The following SNX29 variants were observed in gnomAD, a reference collection of about 807,000 sequenced individuals.
SNX29 encodes sorting nexin 29, also known as sorting nexin-29.
SNX29 carries 78 observed loss-of-function variants against 102.1 expected under a neutral mutation model. The ratio of observed to expected loss-of-function variants is 0.76; its 90% CI spans 0.64 to 0.92. The LOEUF (loss-of-function observed/expected upper bound fraction) is 0.92, where lower values mean the gene tolerates loss of function less well. Among genes scored for constraint, SNX29 ranks in the 40% least tolerant of loss-of-function variants. The pLI is 0.00. For synonymous variants in SNX29, 580 were observed against 414.5 expected (o/e 1.40, Z -4.85); for missense variants, 1,280 against 1,061.7 (o/e 1.21, Z -2.86).
At position 12,569,170 on chromosome 16, in the gene SNX29, C is replaced by G; in HGVS notation, c.*541C>G. ...ATGGTTCCTTTCACTGCATTTTCCA[C>G]CAACAGTCATTAGACACCTGGCACT... is the stretch of plus-strand genomic sequence containing the variant. On this transcript the variant is annotated 3_prime_UTR_variant, in exon 21 of 21. Transcript: ENST00000566228. 1 of 210,538 alleles carries G rather than the reference C, an allele frequency of 4.7e-6. No homozygotes were observed. Among genetic ancestry groups the G allele is most frequent in the Non-Finnish European group, 9.5e-6 (1 of 105,550 alleles). 13.0% of individuals were successfully genotyped at this position (210,538 alleles called of 1,614,324 possible).
rs2079175312 is a variant in SNX29, at chr16:12,570,972, G to C, written c.*2343G>C. ...GGACCATCCCCAGCTGCCTGCTCCT[G>C]GTACCTCCCCCATGATCATGCACAG... On this transcript the variant is annotated 3_prime_UTR_variant, in exon 21 of 21. Transcript: ENST00000566228. 4.3e-6 allele frequency: 1 copy of C among 232,326 alleles called. No homozygotes were observed. Among genetic ancestry groups the C allele is most frequent in the Non-Finnish European group, 8.5e-6 (1 of 117,462 alleles). The allele number at this position is 232,326 out of a possible 1,614,324, so 14.4% of individuals were successfully genotyped here.
At chr16:12,556,378 G>A (rs1413371688) in intron 20 of SNX29, 1 of 152,194 alleles carries the variant, frequency 6.6e-6, no homozygotes, top group Non-Finnish European at 1.5e-5. Flanking sequence ...AGTCGTAATT[G>A]TAGGCACTGG....
intron 16 of SNX29, among the ~76,000 whole-genome samples, chr16:12,356,883 T>C (rs997166860): frequency 2.3e-4 from 35 of 152,238 alleles, no homozygotes; most frequent in African/African-American, 8.4e-4. Flanking sequence ...ACCACAAATG[T>C]CTCCAGATAT....
intron 3 of SNX29, among the ~76,000 whole-genome samples, chr16:12,008,218 A>G (rs964030856): frequency 2.0e-5 from 3 of 152,036 alleles, no homozygotes; most frequent in South Asian, 2.1e-4. Flanking sequence ...TGCTGGGATT[A>G]CAGGCGTGAG....
intron 20 of SNX29, among the ~76,000 whole-genome samples, chr16:12,531,633 A>T (rs192715943): frequency 6.6e-6 from 1 of 152,164 alleles, no homozygotes; most frequent in South Asian, 2.1e-4. Flanking sequence ...TGCTGGGGCA[A>T]TGGAAGGGGA....
intron 6 of SNX29, among the ~76,000 whole-genome samples, chr16:12,048,147 G>T (rs550131075): frequency 2.2e-4 from 33 of 151,858 alleles, no homozygotes; most frequent in Non-Finnish European, 4.1e-4. Context: ...CAGTTTCATG[G>T]GAGGTTTTTT....
chr16:12,009,715 C>G (rs1054586252), intron 3 of SNX29, among the ~76,000 whole-genome samples: 3 of 152,132 alleles, frequency 2.0e-5, no homozygotes, highest in African/African-American at 7.2e-5. Context: ...TCTCTAGGAA[C>G]AAAGACTCGT....
chr16:12,143,652 T>C (rs1309465678), intron 13 of SNX29, among the ~76,000 whole-genome samples: 1 of 152,224 alleles, frequency 6.6e-6, no homozygotes, highest in Non-Finnish European at 1.5e-5. Context: ...GCGTAAGTAC[T>C]GAGTAACAGA....
intron 15 of SNX29, among the ~76,000 whole-genome samples, chr16:12,346,081 G>A (rs1438040901): frequency 7.5e-6 from 1 of 134,032 alleles, no homozygotes; most frequent in Non-Finnish European, 1.8e-5. Context: ...TGTTATTGAA[G>A]GATTTTAAGC....
At chr16:12,430,247 C>T (rs555779934) in intron 18 of SNX29, among the ~76,000 whole-genome samples, 1 of 152,338 alleles carries the variant, frequency 6.6e-6, no homozygotes, top group East Asian at 1.9e-4. Context: ...CGAAATTGGT[C>T]CCTGGTGCCA....
intron 15 of SNX29, among the ~76,000 whole-genome samples, chr16:12,313,094 A>G (rs563122381): frequency 3.3e-5 from 5 of 150,558 alleles, no homozygotes; most frequent in South Asian, 2.1e-4. Flanking sequence ...GCTTACTACA[A>G]CCTCCGCCTC....
chr16:12,527,361 A>C (rs1380934367), intron 20 of SNX29: 1 of 506,406 alleles, frequency 2.0e-6, no homozygotes. Flanking sequence ...GGTTAAAAAA[A>C]AATAAAAAAT....
intron 15 of SNX29, among the ~76,000 whole-genome samples, chr16:12,342,742 C>T (rs2081646614): frequency 6.6e-6 from 1 of 152,198 alleles, no homozygotes; most frequent in Admixed American, 6.5e-5. Context: ...CCCAAGGTCA[C>T]CCAGCAAGTT....
At chr16:12,483,087 A>G (rs367618315) in intron 19 of SNX29, among the ~76,000 whole-genome samples, 40 of 144,862 alleles carry the variant, frequency 2.8e-4, no homozygotes, top group East Asian at 2.4e-3. Flanking sequence ...GAGTCAAGCC[A>G]CAATAGATAC....
chr16:12,046,517 GC>G (rs2050098471), intron 6 of SNX29, 63 bp downstream of exon 6: 1 of 1,520,870 alleles, frequency 6.6e-7, no homozygotes, highest in African/African-American at 1.4e-5. Context: ...CTGCCTTGGG[GC>G]AGTTCCACAG....
At chr16:12,535,163 G>A (rs183611815) in intron 20 of SNX29, among the ~76,000 whole-genome samples, 102 of 152,306 alleles carry the variant, frequency 6.7e-4, no homozygotes, top group Non-Finnish European at 1.2e-3. Flanking sequence ...CTTTGAGACA[G>A]AGTCTCACTC....
intron 11 of SNX29, among the ~76,000 whole-genome samples, chr16:12,093,325 T>C (rs1596858058): frequency 6.6e-6 from 1 of 152,194 alleles, no homozygotes; most frequent in East Asian, 1.9e-4. Context: ...TCAAGAGCTG[T>C]GTGGCTACGT....
chr16:12,249,810 A>C (rs991917487), intron 14 of SNX29, among the ~76,000 whole-genome samples: 3 of 152,182 alleles, frequency 2.0e-5, no homozygotes, highest in Non-Finnish European at 4.4e-5. Flanking sequence ...ACCAAAACCC[A>C]CCTGTGTGCT....
At chr16:12,097,564 A>G (rs1377199600) in intron 11 of SNX29, among the ~76,000 whole-genome samples, 1 of 147,446 alleles carries the variant, frequency 6.8e-6, no homozygotes, top group Non-Finnish European at 1.5e-5. Flanking sequence ...GGTCTTTTTT[A>G]GCATTTGTTC....
Sources: allele counts gnomAD v4.1 joint callset (sites outside exome capture counted in the v4.1 genomes callset), GRCh38; gene constraint gnomAD v4.1.1; transcripts MANE v1.5; gene names NCBI Gene and HGNC (gene_info 2026-07-23, HGNC 2026-07-21).